The following PDE9A variants were observed in gnomAD, a reference collection of about 807,000 sequenced individuals.
The protein encoded by PDE9A is high affinity cGMP-specific 3',5'-cyclic phosphodiesterase 9A.
In PDE9A, 60 loss-of-function variants were observed where a neutral mutation model predicts 87.4. The observed-to-expected ratio is 0.69, with a 90% CI of 0.56 to 0.85. The LOEUF is 0.85. Ranked by LOEUF, PDE9A falls within the 40% of genes least tolerant of loss-of-function variation. The pLI is 0.00. For missense variants in PDE9A, 665 were observed against 779.0 expected (o/e 0.85, Z 1.74); for synonymous variants, 272 against 279.4 (o/e 0.97, Z 0.27).
Position 42,705,455 on chromosome 21 carries a change from G to T in PDE9A, c.262+6444G>T, listed in dbSNP as rs2048741870. Among the ~76,000 whole-genome samples, 1 of 152,152 alleles carries T rather than the reference G, an allele frequency of 6.6e-6. No individual in the cohort carries two copies. The highest frequency in any genetic ancestry group is 2.1e-4 in the South Asian group (1 of 4,832). On this transcript the variant is annotated intron_variant, in intron 4 of 19. Transcript: ENST00000291539. The surrounding 1 kb of genome is among the most constrained non-coding windows in gnomAD (Gnocchi z 4.3). ...GAGTGCCCTCGGCTGCCAGGAGCTG[G>T]CAGGGGAGATGCCTGTGATGAGGAT... is the stretch of plus-strand genomic sequence containing the variant.
intron 3 of PDE9A, among the ~76,000 whole-genome samples, chr21:42,697,201 A>G (rs990567321): frequency 6.6e-6 from 1 of 152,082 alleles, no homozygotes; most frequent in East Asian, 1.9e-4. Context: ...GGCTCTCCCG[A>G]GAACCTCAGC....
chr21:42,758,880 G>T, intron 10 of PDE9A, 119 bp from the exon 11 acceptor site: 1 of 692,046 alleles, frequency 1.4e-6, no homozygotes, highest in Non-Finnish European at 2.5e-6. Flanking sequence ...GGGAGGGGGA[G>T]AACCCACCTC....
chr21:42,711,324 C>T (rs1447165201), intron 4 of PDE9A, among the ~76,000 whole-genome samples: 1 of 150,202 alleles, frequency 6.7e-6, no homozygotes, highest in East Asian at 2.0e-4. Context: ...GCGATAAGCT[C>T]ACTGCAACCT....
chr21:42,683,446 T>C (rs1202998778), intron 1 of PDE9A, among the ~76,000 whole-genome samples: 1 of 152,252 alleles, frequency 6.6e-6, no homozygotes, highest in Non-Finnish European at 1.5e-5. Flanking sequence ...CTTCTGTAGA[T>C]GACAGCTACC....
intron 1 of PDE9A, among the ~76,000 whole-genome samples, chr21:42,672,172 C>T (rs775482810): frequency 5.3e-5 from 8 of 152,216 alleles, no homozygotes; most frequent in Non-Finnish European, 8.8e-5. Context: ...GAGAACAAGG[C>T]AAACAGAGCT....
At chr21:42,703,963 G>A (rs1037850384) in intron 4 of PDE9A, among the ~76,000 whole-genome samples, 9 of 152,260 alleles carry the variant, frequency 5.9e-5, no homozygotes, top group African/African-American at 1.4e-4. Flanking sequence ...GCTCTGCACC[G>A]TCTCTACAGA....
At chr21:42,670,235 T>TCA (rs774953683) in intron 1 of PDE9A, among the ~76,000 whole-genome samples, 14 of 126,740 alleles carry the variant, frequency 1.1e-4, no homozygotes, top group African/African-American at 6.8e-4. Flanking sequence ...ACACTTACAT[T>TCA]CACACTCATA....
intron 1 of PDE9A, among the ~76,000 whole-genome samples, chr21:42,665,954 G>A (rs943865369): frequency 2.0e-5 from 3 of 152,204 alleles, no homozygotes; most frequent in Admixed American, 6.5e-5. Context: ...AAGTCAGTTG[G>A]GGAGGCAGTG....
At chr21:42,773,335 T>C (rs1229950530) in intron 19 of PDE9A, among the ~76,000 whole-genome samples, 4 of 151,782 alleles carry the variant, frequency 2.6e-5, no homozygotes, top group African/African-American at 7.3e-5. Flanking sequence ...CATCAATAAT[T>C]AGCATATGTA....
chr21:42,687,920 C>T lies in PDE9A; in HGVS notation c.144C>T (p.Asn48=), dbSNP rs772073925. ...CGGGCTTGGGTGTGTTTTCCAGGAA[C>T]ACGACCATCTCCCTGCTGACCACCG... The part of the protein sequence containing the change: ...LFCIATGLPR[N]TTISLLTTDD... Residue 48 remains asparagine, a synonymous_variant, in exon 3 of 20, where the codon AAC becomes AAT. Coordinates refer to ENST00000291539, the MANE Select transcript of PDE9A (RefSeq NM_002606.3). 1.9e-6 allele frequency: 3 copies of T among 1,613,086 alleles called. No individual in the cohort carries two copies. Among genetic ancestry groups the T allele is most frequent in the Admixed American group, 3.3e-5 (2 of 60,018 alleles).
chr21:42,687,630 T>A (rs929184144), intron 2 of PDE9A, among the ~76,000 whole-genome samples: 31 of 152,270 alleles, frequency 2.0e-4, no homozygotes, highest in South Asian at 4.2e-4. Flanking sequence ...CACAGTTTTT[T>A]AAAAAAAATC....
intron 3 of PDE9A, among the ~76,000 whole-genome samples, chr21:42,688,307 TCCCCACATTAA>T (rs2059590025): frequency 6.6e-6 from 1 of 151,900 alleles, no homozygotes; most frequent in Non-Finnish European, 1.5e-5. Flanking sequence ...GGCCCCGGGA[TCCCCACATTAA>T]CCCCAGGAAG....
chr21:42,683,928 A>ATT (rs2059307330), intron 1 of PDE9A, among the ~76,000 whole-genome samples: 1 of 152,208 alleles, frequency 6.6e-6, no homozygotes, highest in African/African-American at 2.4e-5. Context: ...CGAGGACTTT[A>ATT]TAAAGGCGTC....
rs1167568312 is a variant in PDE9A at position 42,728,981 on chromosome 21, C to G, written c.263-2789C>G. ...TACCACTGCACTCCAGCTTGGGGGA[C>G]AGAGTGAGACTCAGTCTCAAAAAAA... On this transcript the variant is annotated intron_variant, in intron 4 of 19. Transcript: ENST00000291539. Among the ~76,000 whole-genome samples the G allele has an allele frequency of 1.0e-4, 13 of 128,944 alleles. No individual in the cohort carries two copies. The Admixed American group carries it at 1.1e-3, about 11-fold the overall frequency. 84.6% of individuals were successfully genotyped at this position (128,944 alleles called of 152,430 possible). A position where few individuals can be genotyped will look rare whatever the true frequency, so the allele number is the denominator to read the frequency against.
chr21:42,760,198 T>C lies in PDE9A; in HGVS notation c.898-130T>C. 2 of 651,314 alleles carry C rather than the reference T, an allele frequency of 3.1e-6. No homozygotes were observed. The highest frequency in any genetic ancestry group is 5.6e-6 in the Non-Finnish European group (2 of 355,798). 40.3% of individuals were successfully genotyped at this position (651,314 alleles called of 1,614,324 possible). A position where few individuals can be genotyped will look rare whatever the true frequency, so the allele number is the denominator to read the frequency against. ...GGTACCTGTGGTAAACCTGGAACAC[T>C]GTTGACCTCTGGTTGGGATGAGGGT... On this transcript the variant is annotated intron_variant, in intron 11 of 19. Transcript: ENST00000291539. This position sits in a 1 kb window ranked among gnomAD's most constrained non-coding sequence, Gnocchi z 5.2.
At chr21:42,754,239 C>G (rs1470783250) in intron 10 of PDE9A, among the ~76,000 whole-genome samples, 175 bp downstream of exon 10, 2 of 151,928 alleles carry the variant, frequency 1.3e-5, no homozygotes, top group Non-Finnish European at 2.9e-5. Flanking sequence ...CTAACTAACA[C>G]TTTATAGCAG....
At chr21:42,667,136 C>G (rs1179304603) in intron 1 of PDE9A, among the ~76,000 whole-genome samples, 2 of 152,202 alleles carry the variant, frequency 1.3e-5, no homozygotes, top group African/African-American at 4.8e-5. Context: ...AAACAGCAAA[C>G]AACCCCAACA....
At chr21:42,693,039 G>A (rs540606375) in intron 3 of PDE9A, among the ~76,000 whole-genome samples, 23 of 152,338 alleles carry the variant, frequency 1.5e-4, no homozygotes, top group Admixed American at 4.6e-4. Context: ...AAAAGGGGCC[G>A]TGGGAAGGCT....
chr21:42,697,964 C>T (rs755510262), intron 3 of PDE9A, among the ~76,000 whole-genome samples: 4 of 152,206 alleles, frequency 2.6e-5, no homozygotes, highest in East Asian at 3.9e-4. Context: ...CAGTGGAGCA[C>T]GCTCTTTCAA....
Sources: gnomAD v4.1 joint callset for allele counts (sites outside exome capture counted in the v4.1 genomes callset) on GRCh38, gnomAD v4.1.1 for gene constraint, Gnocchi (gnomAD v3.1) non-coding constraint, MANE v1.5 for transcripts, NCBI Gene and HGNC (gene_info 2026-07-23, HGNC 2026-07-21) for gene names.